The following DHX35 variants were observed in gnomAD, a reference collection of about 807,000 sequenced individuals.
DHX35 encodes the protein DEAH-box helicase 35.
A neutral mutation model predicts 99.6 loss-of-function variants in DHX35; 84 were observed. That is an observed-to-expected ratio of 0.84 (90% CI 0.71 to 1.01). The LOEUF is 1.01. DHX35 is among the 50% of genes least tolerant of loss of function. The pLI, the probability that DHX35 is intolerant of heterozygous loss-of-function variation, is 0.00. For synonymous variants in DHX35, 331 were observed against 316.2 expected, an observed-to-expected ratio of 1.05 and a Z score of -0.50; for missense variants, 852 against 888.5, an observed-to-expected ratio of 0.96 and a Z score of 0.52.
chr20:38,988,749 A>G, intron 4 of DHX35, 64 bp from the exon 5 acceptor site: 1 of 1,597,292 alleles, frequency 6.3e-7, no homozygotes, highest in Non-Finnish European at 8.6e-7. Flanking sequence ...TAGATTTTCC[A>G]TAGTATGTGC....
rs1382318088 is a variant in DHX35, at chr20:39,001,856, T to A, written c.755+14T>A. On this transcript the variant is annotated intron_variant, in intron 9 of 21. Coordinates refer to ENST00000252011, the MANE Select transcript of DHX35 (RefSeq NM_021931.4). ...TTATCTACAAAGGTTTGATGATGCTTGAATTCTGGATGATGGTGTTTAGAA... is the reference window on the plus strand; with the variant it reads ...TTATCTACAAAGGTTTGATGATGCTAGAATTCTGGATGATGGTGTTTAGAA... 6.4e-7 allele frequency: 1 copy of A among 1,573,846 alleles called. No individual in the cohort carries two copies. Among genetic ancestry groups the A allele is most frequent in the East Asian group, 2.2e-5 (1 of 44,686 alleles).
At chr20:38,979,374 T>G (rs1263400444) in intron 3 of DHX35, among the ~76,000 whole-genome samples, 3 of 152,220 alleles carry the variant, frequency 2.0e-5, no homozygotes, top group Non-Finnish European at 4.4e-5. Flanking sequence ...GCATTTGAAT[T>G]GAATTATTTT....
chr20:38,993,700 T>TC (rs915918922), intron 7 of DHX35, among the ~76,000 whole-genome samples: 5 of 151,514 alleles, frequency 3.3e-5, no homozygotes, highest in East Asian at 1.9e-4. Context: ...TTTTTTTTTT[T>TC]CACGTTGGCT....
chr20:39,031,732 A>G (rs2087057647), intron 20 of DHX35, among the ~76,000 whole-genome samples: 1 of 152,248 alleles, frequency 6.6e-6, no homozygotes, highest in Non-Finnish European at 1.5e-5. Flanking sequence ...GGCTCAGCAC[A>G]TCATGTGCCA....
chr20:38,974,680 C>T (rs1370248536), intron 3 of DHX35, among the ~76,000 whole-genome samples: 5 of 152,100 alleles, frequency 3.3e-5, no homozygotes, highest in African/African-American at 1.2e-4. Context: ...CATCCTGATA[C>T]ATGCAGGAAG....
chr20:38,968,110 T>C (rs920035832), intron 1 of DHX35, among the ~76,000 whole-genome samples: 5 of 152,200 alleles, frequency 3.3e-5, no homozygotes, highest in Admixed American at 6.5e-5. Context: ...TTCACTGCAG[T>C]GTTTCTAGTG....
intron 3 of DHX35, 117 bp from the exon 4 acceptor site, chr20:38,983,582 A>G (rs2086205422): frequency 1.4e-6 from 1 of 726,542 alleles, no homozygotes; most frequent in Admixed American, 2.6e-5. Flanking sequence ...TTCTGCTGGG[A>G]CAAGAACTGT....
chr20:39,005,259 G>A (rs1384765271), intron 11 of DHX35, among the ~76,000 whole-genome samples: 2 of 152,200 alleles, frequency 1.3e-5, no homozygotes, highest in African/African-American at 4.8e-5. Flanking sequence ...AATGTACTGG[G>A]AATAAAATTC....
At chr20:38,993,293 A>G (rs920739085) in intron 7 of DHX35, among the ~76,000 whole-genome samples, 2 of 152,254 alleles carry the variant, frequency 1.3e-5, no homozygotes, top group East Asian at 3.8e-4. Context: ...ATAAAAGTTA[A>G]TTAAAATAGA....
chr20:38,983,666 C>A (rs755316000), intron 3 of DHX35, 33 bp from the exon 4 acceptor site: 23 of 1,591,952 alleles, frequency 1.4e-5, no homozygotes, highest in African/African-American at 4.2e-5. Flanking sequence ...AAAGTGGTAT[C>A]ATATGTATAC....
chr20:39,034,952 G>A (rs1264454377), intron 21 of DHX35, among the ~76,000 whole-genome samples: 2 of 151,950 alleles, frequency 1.3e-5, no homozygotes, highest in Admixed American at 1.3e-4. Context: ...TAGGGATGGG[G>A]TTTCACTATG....
At chr20:39,007,416 G>T (rs913161065) in intron 12 of DHX35, among the ~76,000 whole-genome samples, 2 of 152,198 alleles carry the variant, frequency 1.3e-5, no homozygotes, top group African/African-American at 2.4e-5. Flanking sequence ...AGAATCGGGA[G>T]CCTTGGAAGC....
At chr20:39,016,593 C>T (rs2086789188) in intron 14 of DHX35, among the ~76,000 whole-genome samples, 1 of 152,142 alleles carries the variant, frequency 6.6e-6, no homozygotes, top group South Asian at 2.1e-4. Context: ...AATAATGCTG[C>T]TATAAATATT....
At chr20:39,017,569 C>T (rs1241800001) in intron 14 of DHX35, among the ~76,000 whole-genome samples, 1 of 152,184 alleles carries the variant, frequency 6.6e-6, no homozygotes, top group Non-Finnish European at 1.5e-5. Flanking sequence ...CTCCCCCCGC[C>T]AGCTTCATTT....
chr20:38,965,486 G>T (rs1355191424), intron 1 of DHX35, among the ~76,000 whole-genome samples: 1 of 152,170 alleles, frequency 6.6e-6, no homozygotes. Context: ...GAGTGGTGGG[G>T]ACTGTGGCAG....
intron 16 of DHX35, among the ~76,000 whole-genome samples, chr20:39,023,016 A>G (rs1282313655): frequency 1.3e-5 from 2 of 152,328 alleles, no homozygotes; most frequent in South Asian, 2.1e-4. Context: ...TTGTATAACT[A>G]TAGATTACAA....
At chr20:39,003,694 A>G in intron 10 of DHX35, 55 bp from the exon 11 acceptor site, 2 of 1,569,642 alleles carry the variant, frequency 1.3e-6, no homozygotes, top group Non-Finnish European at 1.7e-6. Flanking sequence ...GTATGATAAA[A>G]TAGCATGCTT....
intron 13 of DHX35, among the ~76,000 whole-genome samples, chr20:39,011,967 G>C (rs1220534569): frequency 1.3e-5 from 2 of 152,142 alleles, no homozygotes; most frequent in African/African-American, 4.8e-5. Flanking sequence ...AGATAAACAG[G>C]CTGAGCGTGG....
chr20:38,990,774 G>A (rs914997294), intron 5 of DHX35, among the ~76,000 whole-genome samples: 5 of 151,956 alleles, frequency 3.3e-5, no homozygotes, highest in Non-Finnish European at 5.9e-5. Flanking sequence ...GGGTTGGGGG[G>A]GTTTCTAGAA....
Sources: gnomAD v4.1 joint callset for allele counts (sites outside exome capture counted in the v4.1 genomes callset) on GRCh38, gnomAD v4.1.1 for gene constraint, MANE v1.5 for transcripts, NCBI Gene and HGNC (gene_info 2026-07-23, HGNC 2026-07-21) for gene names.